The following SLC27A6 variants were observed in gnomAD, a reference collection of about 807,000 sequenced individuals.
The protein encoded by SLC27A6 is long-chain fatty acid transport protein 6.
Under a neutral mutation model 63.9 loss-of-function variants are expected in SLC27A6, and 74 were observed. The ratio of observed to expected loss-of-function variants is 1.16; its 90% CI spans 0.96 to 1.40. The LOEUF is 1.40. Among genes scored for constraint, SLC27A6 ranks in the 40% most tolerant of loss-of-function variants. The probability of loss-of-function intolerance (pLI) is 0.00; values close to 1 mark genes in which losing one functional copy is unlikely to be tolerated. For missense variants in SLC27A6, 794 were observed against 732.9 expected, an observed-to-expected ratio of 1.08 and a Z score of -0.96; for synonymous variants, 287 against 260.8, an observed-to-expected ratio of 1.10 and a Z score of -0.97.
chr5:128,986,172 G>T (rs932811142), intron 2 of SLC27A6, among the ~76,000 whole-genome samples: 2 of 152,206 alleles, frequency 1.3e-5, no homozygotes, highest in African/African-American at 4.8e-5. Flanking sequence ...AAAATAGCCA[G>T]ATGTGGTGGC....
chr5:128,988,259 C>A (rs1014225823), intron 2 of SLC27A6, among the ~76,000 whole-genome samples: 4 of 152,136 alleles, frequency 2.6e-5, no homozygotes, highest in Non-Finnish European at 4.4e-5. Flanking sequence ...ACTTACCTCC[C>A]AAATGCTCTT....
At chr5:128,983,007 A>G (rs1750645566) in intron 1 of SLC27A6, among the ~76,000 whole-genome samples, 1 of 152,118 alleles carries the variant, frequency 6.6e-6, no homozygotes, top group African/African-American at 2.4e-5. Context: ...TTTGTGATCA[A>G]TCTGGGTTAT....
intron 5 of SLC27A6, among the ~76,000 whole-genome samples, chr5:129,017,225 A>C (rs1186001286): frequency 6.6e-6 from 1 of 152,188 alleles, no homozygotes; most frequent in African/African-American, 2.4e-5. Context: ...AAAGGATTGA[A>C]TATATATAAA....
In SLC27A6 at chr5:128,998,062, T is replaced by G. The variant is rs147331717; in HGVS notation, c.969+7598T>G. Among the ~76,000 whole-genome samples the G allele has an allele frequency of 6.7e-5, 10 of 149,960 alleles. No individual in the cohort carries two copies. In the East Asian group the frequency reaches 2.0e-3, roughly 30 times the overall value. On this transcript the variant is annotated intron_variant, in intron 4 of 9. Coordinates refer to ENST00000262462, the MANE Select transcript of SLC27A6 (RefSeq NM_001017372.3). Reference sequence around the variant, plus strand: ...TGGGAAACCAAGGCACGAGGATTGCTTGAGGCCAGAAATTTGAGATCAATT... The same window carrying G: ...TGGGAAACCAAGGCACGAGGATTGCGTGAGGCCAGAAATTTGAGATCAATT...
At position 129,023,703 on chromosome 5, in the gene SLC27A6, G is replaced by GA; in HGVS notation, c.1254dup (p.Gly419ArgfsTer24). The GA allele has an allele frequency of 1.9e-6, 3 of 1,601,166 alleles. No individual in the cohort carries two copies. Among genetic ancestry groups the GA allele is most frequent in the African/African-American group, 1.3e-5 (1 of 74,094 alleles). On this transcript the variant is annotated frameshift_variant, in exon 6 of 10. Transcript: ENST00000262462. LOFTEE classifies it high-confidence loss of function. ...ATGAGCAGGGTTGGTGTATTCATGT[G>GA]AAAAAAGGTAAGACTTCTATTTGAA...
At chr5:129,006,568 A>T (rs1431615770) in intron 4 of SLC27A6, among the ~76,000 whole-genome samples, 1 of 152,030 alleles carries the variant, frequency 6.6e-6, no homozygotes. Context: ...TATAATAAAT[A>T]AAGGAATCAT....
At chr5:128,990,555 C>T in intron 4 of SLC27A6, 91 bp downstream of exon 4, 1 of 1,296,404 alleles carries the variant, frequency 7.7e-7, no homozygotes, top group Non-Finnish European at 1.0e-6. Flanking sequence ...TTATACTCTA[C>T]CTTTGTTACT....
chr5:129,008,820 G>A (rs146749894), intron 4 of SLC27A6, among the ~76,000 whole-genome samples: 1,785 of 150,296 alleles, frequency 0.012, 18 homozygotes, highest in Non-Finnish European at 0.017. Context: ...AAGTGAGAGC[G>A]TTTCACATAA....
intron 1 of SLC27A6, among the ~76,000 whole-genome samples, chr5:128,984,508 C>G (rs1750719597): frequency 6.6e-6 from 1 of 152,188 alleles, no homozygotes. Context: ...AAACTTGTCC[C>G]TTTTTCTTTC....
chr5:129,001,718 G>A (rs1751341416), intron 4 of SLC27A6, among the ~76,000 whole-genome samples: 1 of 152,090 alleles, frequency 6.6e-6, no homozygotes, highest in Non-Finnish European at 1.5e-5. Context: ...AAAAATTAAG[G>A]TTGATATAAA....
intron 1 of SLC27A6, among the ~76,000 whole-genome samples, chr5:128,969,693 A>G (rs902803341): frequency 7.2e-5 from 11 of 152,296 alleles, no homozygotes; most frequent in Middle Eastern, 3.4e-3. Flanking sequence ...TAAATATACA[A>G]TCATGTCATC....
rs1473999126 is a variant in SLC27A6 at position 128,985,340 on chromosome 5, T to C, written c.685+4T>C. 1 of 1,612,500 alleles carries C rather than the reference T, an allele frequency of 6.2e-7. No individual in the cohort carries two copies. Among genetic ancestry groups the C allele is most frequent in the Non-Finnish European group, 8.5e-7 (1 of 1,178,658 alleles). On this transcript the variant is annotated splice_donor_region_variant and intron_variant, in intron 2 of 9. Coordinates refer to ENST00000262462, the MANE Select transcript of SLC27A6 (RefSeq NM_001017372.3). The stretch of plus-strand genomic sequence containing the variant: ...ATTTTTACCTCTGGAACAACAGGTA[T>C]GATCCAATTCTTTTGAAGGCTAAAA...
intron 1 of SLC27A6, among the ~76,000 whole-genome samples, chr5:128,981,327 A>G (rs1388992518): frequency 6.6e-6 from 1 of 152,000 alleles, no homozygotes; most frequent in Admixed American, 6.6e-5. Context: ...CTAAAAATAC[A>G]AAAATTAGTT....
intron 4 of SLC27A6, among the ~76,000 whole-genome samples, chr5:129,003,967 C>CAAAAAAAAA (rs779667758): frequency 1.4e-5 from 1 of 69,420 alleles, no homozygotes. Context: ...GACCCTGTCT[C>CAAAAAAAAA]AAAAAAAAAA....
intron 4 of SLC27A6, among the ~76,000 whole-genome samples, chr5:129,007,636 G>T (rs1212132249): frequency 1.3e-5 from 2 of 152,032 alleles, no homozygotes; most frequent in African/African-American, 2.4e-5. Context: ...TAAATTAAAT[G>T]AAATGTCATA....
rs117661579 is a variant in SLC27A6 at position 128,972,945 on chromosome 5, G to A, written c.481+6327G>A. 2.9e-3 allele frequency among the ~76,000 whole-genome samples: 445 copies of A among 152,258 alleles called. 5 individuals are homozygous for A. The East Asian group carries it at 0.048, about 16-fold the overall frequency. On this transcript the variant is annotated intron_variant, in intron 1 of 9. Transcript: ENST00000262462. ...TTGATGATGGTGACCTACAGATGGC[G>A]TTTTCATGTGGATGTCCTTTTTGTT...
At chr5:129,028,566 T>G (rs1354688548) in intron 8 of SLC27A6, 124 bp downstream of exon 8, 3 of 599,316 alleles carry the variant, frequency 5.0e-6, no homozygotes, top group Non-Finnish European at 8.5e-6. Context: ...GATTTTATTA[T>G]TGTCTTGGCA....
At chr5:129,027,643 A>G (rs1454761883) in intron 7 of SLC27A6, among the ~76,000 whole-genome samples, 1 of 152,130 alleles carries the variant, frequency 6.6e-6, no homozygotes, top group East Asian at 1.9e-4. Context: ...AGTTTGGTCA[A>G]CTGTAGTCTA....
chr5:129,019,435 G>GA (rs199512421), intron 5 of SLC27A6, among the ~76,000 whole-genome samples: 18 of 146,528 alleles, frequency 1.2e-4, no homozygotes, highest in South Asian at 2.2e-4. Context: ...ATAAAGCTCG[G>GA]AAAAAAAAAG....
Sources: gnomAD v4.1 joint callset for allele counts (sites outside exome capture counted in the v4.1 genomes callset) on GRCh38, gnomAD v4.1.1 for gene constraint, MANE v1.5 for transcripts, NCBI Gene and HGNC (gene_info 2026-07-23, HGNC 2026-07-21) for gene names.